PAG1: variants seen among roughly 807,000 people sequenced by gnomAD.
PAG1 encodes phosphoprotein associated with glycosphingolipid-enriched microdomains 1.
Under a neutral mutation model 31.7 loss-of-function variants are expected in PAG1, and 23 were observed. The observed-to-expected ratio is 0.73, with a 90% CI of 0.52 to 1.03. The LOEUF (loss-of-function observed/expected upper bound fraction) is 1.03, where lower values mean the gene tolerates loss of function less well. Ranked by LOEUF, PAG1 falls within the 50% of genes least tolerant of loss-of-function variation. The pLI, the probability that PAG1 is intolerant of heterozygous loss-of-function variation, is 0.00. For synonymous variants in PAG1, 214 were observed against 210.3 expected (o/e 1.02, Z -0.15); for missense variants, 473 against 540.7 (o/e 0.87, Z 1.24).
chr8:81,098,226 G>A lies in PAG1; in HGVS notation c.-234+13365C>T, dbSNP rs117428323. Among the ~76,000 whole-genome samples the A allele has an allele frequency of 1.9e-3, 286 of 152,260 alleles. 1 individual carries two copies. Among genetic ancestry groups the A allele is most frequent in the Non-Finnish European group, 3.5e-3 (239 of 68,032 alleles). Reference sequence around the variant, plus strand: ...AATTAAAACAGACGTGAAATTTATGGTTAAAAGACTAATGGGCTTGCTAAG... The same window carrying A: ...AATTAAAACAGACGTGAAATTTATGATTAAAAGACTAATGGGCTTGCTAAG... On this transcript the variant is annotated intron_variant, in intron 1 of 8. Transcript: ENST00000220597.
intron 1 of PAG1, among the ~76,000 whole-genome samples, chr8:81,110,589 G>T (rs576046227): frequency 6.6e-6 from 1 of 152,310 alleles, no homozygotes; most frequent in African/African-American, 2.4e-5. Context: ...TTAACTTTTA[G>T]ACTCAACAAT....
At chr8:81,059,535 G>T (rs1808884466) in intron 2 of PAG1, among the ~76,000 whole-genome samples, 1 of 152,052 alleles carries the variant, frequency 6.6e-6, no homozygotes, top group African/African-American at 2.4e-5. Context: ...CTATAGATAG[G>T]TGCCAACAGG....
chr8:80,993,796 A>G (rs1807612697), intron 3 of PAG1, among the ~76,000 whole-genome samples: 1 of 150,994 alleles, frequency 6.6e-6, no homozygotes, highest in South Asian at 2.1e-4. Flanking sequence ...TGTAGAGACG[A>G]AGTCTCACCA....
chr8:81,036,210 T>C (rs1459606226), intron 2 of PAG1, among the ~76,000 whole-genome samples: 1 of 152,226 alleles, frequency 6.6e-6, no homozygotes, highest in Non-Finnish European at 1.5e-5. Flanking sequence ...ATGTGAGGCC[T>C]AATGTGGACT....
At chr8:81,019,891 C>T (rs1483287219) in intron 3 of PAG1, among the ~76,000 whole-genome samples, 1 of 152,166 alleles carries the variant, frequency 6.6e-6, no homozygotes, top group Non-Finnish European at 1.5e-5. Flanking sequence ...CAACACCAGC[C>T]TGTGAAAGCA....
chr8:81,046,724 T>C (rs1808648209), intron 2 of PAG1, among the ~76,000 whole-genome samples: 1 of 152,192 alleles, frequency 6.6e-6, no homozygotes, highest in South Asian at 2.1e-4. Context: ...ATGTGCAGGA[T>C]GTGCAGGTTT....
chr8:81,072,568 G>T (rs962868896), intron 1 of PAG1, among the ~76,000 whole-genome samples: 2 of 152,196 alleles, frequency 1.3e-5, no homozygotes, highest in Non-Finnish European at 1.5e-5. Context: ...TTTGAGCATA[G>T]TGGCTCACAC....
At chr8:80,984,697 CCAGAA>C in intron 7 of PAG1, 74 bp downstream of exon 7, 1 of 1,360,972 alleles carries the variant, frequency 7.3e-7, no homozygotes, top group Non-Finnish European at 1.0e-6. Context: ...CAGATATTTC[CCAGAA>C]CAACTCCAGG....
At chr8:81,032,342 A>G (rs1181171517) in intron 2 of PAG1, among the ~76,000 whole-genome samples, 1 of 152,190 alleles carries the variant, frequency 6.6e-6, no homozygotes, top group Non-Finnish European at 1.5e-5. Context: ...GGAATATATA[A>G]ATAACTCTTA....
chr8:81,093,985 C>T (rs1337591558), intron 1 of PAG1, among the ~76,000 whole-genome samples: 3 of 152,104 alleles, frequency 2.0e-5, no homozygotes, highest in African/African-American at 4.8e-5. Context: ...GGGTTCATGC[C>T]AGAGACAGGC....
intron 3 of PAG1, among the ~76,000 whole-genome samples, chr8:81,011,378 G>A (rs981184781): frequency 6.6e-6 from 1 of 152,142 alleles, no homozygotes; most frequent in African/African-American, 2.4e-5. Flanking sequence ...TTTTATAAGG[G>A]GAACTCCTTT....
intron 3 of PAG1, among the ~76,000 whole-genome samples, chr8:81,019,717 C>T (rs1808129553): frequency 6.6e-6 from 1 of 152,220 alleles, no homozygotes; most frequent in African/African-American, 2.4e-5. Flanking sequence ...ACAACCTCTG[C>T]TAGAGCAGTG....
intron 3 of PAG1, among the ~76,000 whole-genome samples, chr8:81,017,726 T>C (rs1214595064): frequency 6.6e-6 from 1 of 152,206 alleles, no homozygotes; most frequent in Admixed American, 6.5e-5. Flanking sequence ...CCTTGCTTGT[T>C]CTCAAGGCCT....
intron 2 of PAG1, among the ~76,000 whole-genome samples, chr8:81,035,513 C>CAG (rs1808448485): frequency 6.6e-6 from 1 of 152,126 alleles, no homozygotes; most frequent in Admixed American, 6.5e-5. Context: ...GGGCGAGGCA[C>CAG]AGAGAGAGTA....
At chr8:80,981,548 T>A (rs2130381489) in intron 7 of PAG1, among the ~76,000 whole-genome samples, 1 of 152,192 alleles carries the variant, frequency 6.6e-6, no homozygotes, top group South Asian at 2.1e-4. Flanking sequence ...TGATCTTGCT[T>A]CCTAGTTGGC....
At chr8:81,094,495 C>A (rs1251985211) in intron 1 of PAG1, among the ~76,000 whole-genome samples, 1 of 152,236 alleles carries the variant, frequency 6.6e-6, no homozygotes, top group East Asian at 1.9e-4. Context: ...TTCTGTGAGG[C>A]CTAATGGTTG....
intron 3 of PAG1, among the ~76,000 whole-genome samples, chr8:81,012,593 T>G (rs985750871): frequency 3.3e-5 from 5 of 152,252 alleles, no homozygotes; most frequent in African/African-American, 1.2e-4. Context: ...TAAAGAAGAA[T>G]CTGCATCTTC....
At chr8:80,984,680 G>A in intron 7 of PAG1, 96 bp downstream of exon 7, 1 of 1,158,644 alleles carries the variant, frequency 8.6e-7, no homozygotes, top group South Asian at 1.5e-5. Flanking sequence ...AAACTGGAAA[G>A]TGTTTGCAGA....
chr8:80,980,556 G>C (rs1354188080), intron 7 of PAG1, 62 bp from the exon 8 acceptor site: 5 of 1,054,230 alleles, frequency 4.7e-6, no homozygotes, highest in Non-Finnish European at 5.9e-6. Flanking sequence ...CCTTTCTTTT[G>C]CACATGTTTC....
Sources: gnomAD v4.1 joint callset for allele counts (sites outside exome capture counted in the v4.1 genomes callset) on GRCh38, gnomAD v4.1.1 for gene constraint, MANE v1.5 for transcripts, NCBI Gene and HGNC (gene_info 2026-07-23, HGNC 2026-07-21) for gene names.